PTPRD: variants seen among roughly 807,000 people sequenced by gnomAD.
PTPRD encodes the protein receptor-type tyrosine-protein phosphatase delta.
In PTPRD, 34 loss-of-function variants were observed where a neutral mutation model predicts 214.5. The observed-to-expected ratio is 0.16, with a 90% CI of 0.12 to 0.21. The LOEUF is 0.21. Among genes scored for constraint, PTPRD ranks in the 10% least tolerant of loss-of-function variants. The probability of loss-of-function intolerance (pLI) is 1.00; values close to 1 mark genes in which losing one functional copy is unlikely to be tolerated. For synonymous variants in PTPRD, 1,128 were observed against 845.7 expected, an observed-to-expected ratio of 1.33 and a Z score of -5.79; for missense variants, 2,545 against 2,398.7, an observed-to-expected ratio of 1.06 and a Z score of -1.27.
rs148994224 is a variant in PTPRD, at chr9:10,487,224, T to C, written c.-600+125174A>G. ...TGTGTTTCTTATAGGCAACAGATCA[T>C]TGGGTCTTCTTTTTCTATCCATTTG... On this transcript the variant is annotated intron_variant, in intron 2 of 45. Transcript: ENST00000381196. Among the ~76,000 whole-genome samples, 600 of 152,250 alleles carry C rather than the reference T, an allele frequency of 3.9e-3. 2 individuals are homozygous for C. The highest frequency in any genetic ancestry group is 0.014 in the African/African-American group (570 of 41,548).
intron 6 of PTPRD, among the ~76,000 whole-genome samples, chr9:9,747,150 G>T (rs1179995631): frequency 2.6e-5 from 4 of 152,126 alleles, no homozygotes; most frequent in South Asian, 2.1e-4. Context: ...GTTTTTCAAA[G>T]CCTGGAAAAG....
intron 7 of PTPRD, among the ~76,000 whole-genome samples, chr9:9,641,340 G>A (rs1038569242): frequency 6.6e-6 from 1 of 152,192 alleles, no homozygotes; most frequent in Non-Finnish European, 1.5e-5. Flanking sequence ...TAAGTGACAG[G>A]ATAGGCTCAA....
At chr9:9,023,671 G>A (rs533740221) in intron 10 of PTPRD, among the ~76,000 whole-genome samples, 12 of 151,512 alleles carry the variant, frequency 7.9e-5, no homozygotes, top group African/African-American at 1.9e-4. Context: ...TCCCTCCCCC[G>A]TCTAATAATC....
chr9:9,969,487 C>G (rs77115087), intron 4 of PTPRD, among the ~76,000 whole-genome samples: 1 of 152,190 alleles, frequency 6.6e-6, no homozygotes, highest in Non-Finnish European at 1.5e-5. Flanking sequence ...ATGCAACTTA[C>G]TCAACCTCTG....
At chr9:10,381,797 C>T (rs1212136625) in intron 2 of PTPRD, among the ~76,000 whole-genome samples, 1 of 151,892 alleles carries the variant, frequency 6.6e-6, no homozygotes, top group Non-Finnish European at 1.5e-5. Context: ...TTATGTCATA[C>T]ATAATGGCTT....
intron 3 of PTPRD, among the ~76,000 whole-genome samples, chr9:10,061,556 G>T (rs1405776119): frequency 6.6e-6 from 1 of 152,110 alleles, no homozygotes; most frequent in South Asian, 2.1e-4. Context: ...TACATAATTA[G>T]TCTAGAGTGA....
intron 9 of PTPRD, among the ~76,000 whole-genome samples, chr9:9,245,466 G>T (rs989322074): frequency 3.3e-5 from 5 of 152,082 alleles, no homozygotes; most frequent in Non-Finnish European, 7.4e-5. Flanking sequence ...CGTGTCCTTT[G>T]TAGGGACATG....
At chr9:9,067,885 G>T (rs904035221) in intron 10 of PTPRD, among the ~76,000 whole-genome samples, 28 of 152,008 alleles carry the variant, frequency 1.8e-4, no homozygotes, top group Non-Finnish European at 3.5e-4. Flanking sequence ...ATCACATGTA[G>T]ATTTGTGTAT....
intron 3 of PTPRD, among the ~76,000 whole-genome samples, chr9:10,046,987 T>C (rs953078104): frequency 6.6e-6 from 1 of 151,982 alleles, no homozygotes; most frequent in Non-Finnish European, 1.5e-5. Flanking sequence ...ATGGAAATTG[T>C]ATATTCAATT....
intron 2 of PTPRD, among the ~76,000 whole-genome samples, chr9:10,411,801 G>C (rs1483931780): frequency 6.6e-6 from 1 of 151,490 alleles, no homozygotes; most frequent in Non-Finnish European, 1.5e-5. Context: ...AAAATTATTA[G>C]ATGTTTAATG....
chr9:10,263,356 A>G (rs975604610), intron 3 of PTPRD, among the ~76,000 whole-genome samples: 1 of 152,162 alleles, frequency 6.6e-6, no homozygotes, highest in Non-Finnish European at 1.5e-5. Context: ...GGCTCAGAAG[A>G]CAGGAAAATG....
chr9:9,902,771 A>T (rs2076695088), intron 5 of PTPRD, among the ~76,000 whole-genome samples: 1 of 152,130 alleles, frequency 6.6e-6, no homozygotes, highest in African/African-American at 2.4e-5. Context: ...GAACTTGGAG[A>T]TGTAAAGGTG....
intron 2 of PTPRD, among the ~76,000 whole-genome samples, chr9:10,453,149 G>C (rs1159052031): frequency 6.6e-6 from 1 of 151,366 alleles, no homozygotes; most frequent in African/African-American, 2.4e-5. Context: ...TTTTATTTCT[G>C]TCTCCATATT....
rs966706082 is a variant in PTPRD, at chr9:8,521,361, C to A, written c.877G>T (p.Asp293Tyr). 6.2e-7 allele frequency: 1 copy of A among 1,613,982 alleles called. No individual in the cohort carries two copies. The highest frequency in any genetic ancestry group is 2.2e-5 in the East Asian group (1 of 44,858). Residue 293 changes from aspartate to tyrosine, a missense_variant, in exon 20 of 46, where the codon GAT becomes TAT. Asp to Tyr is a radical substitution (Grantham distance 160). Transcript: ENST00000381196. Reference sequence around the variant, plus strand: ...GTGTAATTTGCTGACTGTCTTACATCATTCAGTTCTAGCACATTTCTTCCT... The same window carrying A: ...GTGTAATTTGCTGACTGTCTTACATAATTCAGTTCTAGCACATTTCTTCCT... Reference protein sequence around the residue: ...PIGRNVLELNDVRQSANYTCV... With the variant: ...PIGRNVLELNYVRQSANYTCV...
At chr9:8,459,942 T>A (rs761801912) in intron 33 of PTPRD, among the ~76,000 whole-genome samples, 30 of 152,120 alleles carry the variant, frequency 2.0e-4, no homozygotes, top group Non-Finnish European at 4.1e-4. Context: ...TTTTGCTAAA[T>A]TTTGAGAAAT....
intron 3 of PTPRD, among the ~76,000 whole-genome samples, chr9:10,115,549 C>A (rs977855768): frequency 1.3e-5 from 2 of 152,024 alleles, no homozygotes; most frequent in African/African-American, 4.8e-5. Context: ...GTTTTAATGT[C>A]CAGAACTATA....
intron 3 of PTPRD, among the ~76,000 whole-genome samples, chr9:10,139,207 G>A (rs563165107): frequency 1.3e-5 from 2 of 151,684 alleles, no homozygotes; most frequent in African/African-American, 4.8e-5. Flanking sequence ...CAGGATACAA[G>A]ATAAATGCAT....
At chr9:9,717,375 C>A (rs2154430034) in intron 7 of PTPRD, among the ~76,000 whole-genome samples, 1 of 152,128 alleles carries the variant, frequency 6.6e-6, no homozygotes, top group African/African-American at 2.4e-5. Flanking sequence ...TAGTTTTTTC[C>A]AATTCTGTGA....
chr9:8,450,864 G>A (rs1008404572), intron 33 of PTPRD, among the ~76,000 whole-genome samples: 14 of 151,888 alleles, frequency 9.2e-5, no homozygotes, highest in Non-Finnish European at 1.5e-4. Flanking sequence ...AAATACTAAC[G>A]CCTGCAATCT....
Sources: gnomAD v4.1 joint callset for allele counts (sites outside exome capture counted in the v4.1 genomes callset) on GRCh38, gnomAD v4.1.1 for gene constraint, MANE v1.5 for transcripts, NCBI Gene and HGNC (gene_info 2026-07-23, HGNC 2026-07-21) for gene names.